The following SBK1 variants were observed in gnomAD, a reference collection of about 807,000 sequenced individuals.
SBK1 encodes SH3 domain binding kinase 1.
Under a neutral mutation model 24.4 loss-of-function variants are expected in SBK1, and 11 were observed. The ratio of observed to expected loss-of-function variants is 0.45; its 90% CI spans 0.28 to 0.75. The LOEUF is 0.75. SBK1 is among the 30% of genes least tolerant of loss of function. The pLI is 0.12. For synonymous variants in SBK1, 308 were observed against 284.4 expected (o/e 1.08, Z -0.83); for missense variants, 467 against 620.5 (o/e 0.75, Z 2.63).
upstream of SBK1, chr16:28,291,608 T>C (rs2141574659): frequency 6.6e-6 from 1 of 152,120 alleles, no homozygotes; most frequent in Admixed American, 6.5e-5. Flanking sequence ...ATTGGGGCTT[T>C]CTCACTAGGG....
At chr16:28,289,458 C>T (rs955861618), upstream of SBK1, among the ~76,000 whole-genome samples, 2 of 152,132 alleles carry the variant, frequency 1.3e-5, no homozygotes, top group East Asian at 1.9e-4. Flanking sequence ...TAGACAAAGG[C>T]GTGGAGGTAT....
At chr16:28,303,281 G>A (rs2044691947) in intron 1 of SBK1, among the ~76,000 whole-genome samples, 1 of 152,098 alleles carries the variant, frequency 6.6e-6, no homozygotes, top group South Asian at 2.1e-4. Flanking sequence ...TGTTGAGAGG[G>A]CTTGGAGGCA....
intron 1 of SBK1, among the ~76,000 whole-genome samples, chr16:28,302,560 TG>T (rs905602808): frequency 1.2e-4 from 18 of 152,128 alleles, no homozygotes; most frequent in African/African-American, 4.1e-4. Flanking sequence ...GGCCCTTCTC[TG>T]GGGGTGCAGG....
intron 2 of SBK1, among the ~76,000 whole-genome samples, chr16:28,318,124 T>A (rs1294050739): frequency 6.6e-6 from 1 of 152,142 alleles, no homozygotes; most frequent in Non-Finnish European, 1.5e-5. Context: ...ACATAGCCAA[T>A]GCCCTGCAGC....
At position 28,317,604 on chromosome 16, in the gene SBK1, C is replaced by A. The variant is rs775290094; in HGVS notation, c.213C>A (p.Val71=). Residue 71 remains valine, a synonymous_variant, in exon 2 of 4, where the codon GTC becomes GTA. Transcript: ENST00000341901. The surrounding 1 kb of genome is among the most constrained non-coding windows in gnomAD (Gnocchi z 4.2). ...CCTATGGGAAGGTTGACCTGGTGGT[C>A]TACAAGGGCACAGGTGAACAAGTGC... ...KGTYGKVDLV[V]YKGTGTKMAL... The A allele has an allele frequency of 6.8e-6, 11 of 1,609,402 alleles. No individual in the cohort carries two copies. The highest frequency in any genetic ancestry group is 2.2e-5 in the East Asian group (1 of 44,780).
At chr16:28,273,747 C>T (rs1405084565) in intron 1 of SBK1, among the ~76,000 whole-genome samples, 2 of 152,184 alleles carry the variant, frequency 1.3e-5, no homozygotes, top group African/African-American at 4.8e-5. Flanking sequence ...CTTGTCTATT[C>T]TTGTTTTTGC....
intron 1 of SBK1, among the ~76,000 whole-genome samples, chr16:28,306,842 T>C (rs2044719707): frequency 6.6e-6 from 1 of 152,232 alleles, no homozygotes; most frequent in Admixed American, 6.5e-5. Context: ...TACTTGGCTT[T>C]CCTGAATGTG....
rs1282123825 is a variant in SBK1 at position 28,274,047 on chromosome 16, G to C, written c.257+14545G>C. On this transcript the variant is annotated intron_variant, in intron 1 of 3. Transcript: ENST00000671413. ...ATAAAAAGATCAGTGGTTGCCAGGG[G>C]GCTGGCGGGAGAGAGGGAGGGATGA... Among the ~76,000 whole-genome samples the C allele has an allele frequency of 2.0e-5, 3 of 152,172 alleles. No homozygotes were observed. The East Asian group carries it at 5.8e-4, about 29-fold the overall frequency.
intron 1 of SBK1, among the ~76,000 whole-genome samples, chr16:28,282,845 G>A (rs769948669): frequency 1.4e-4 from 21 of 152,272 alleles, no homozygotes; most frequent in Non-Finnish European, 2.2e-4. Context: ...CATACCCTGG[G>A]GTGCTGAGGA....
At position 28,321,069 on chromosome 16, in the gene SBK1, C is replaced by G; in HGVS notation, c.*148C>G. 1.3e-6 allele frequency: 1 copy of G among 741,408 alleles called. No individual in the cohort carries two copies. The highest frequency in any genetic ancestry group is 1.9e-6 in the Non-Finnish European group (1 of 530,272). The allele number at this position is 741,408 out of a possible 1,614,324, so 45.9% of individuals were successfully genotyped here. A position where few individuals can be genotyped will look rare whatever the true frequency, so the allele number is the denominator to read the frequency against. ...GGACGCGGCCCGGCACCTGGTCCGT[C>G]CCCGGCGGGCTGGTGAGGGGGCCAC... On this transcript the variant is annotated 3_prime_UTR_variant, in exon 4 of 4. Coordinates refer to ENST00000341901, the MANE Select transcript of SBK1 (RefSeq NM_001024401.3).
At chr16:28,302,523 G>A (rs1256839375) in intron 1 of SBK1, among the ~76,000 whole-genome samples, 1 of 152,200 alleles carries the variant, frequency 6.6e-6, no homozygotes, top group Non-Finnish European at 1.5e-5. Flanking sequence ...CCTGCTGTGG[G>A]AATTCAGGGG....
rs77126406 is a variant in SBK1, at chr16:28,274,530, T to C, written c.257+15028T>C. On this transcript the variant is annotated intron_variant, in intron 1 of 3. Transcript: ENST00000671413. ...AGCCAGGCATGGTGGTGGGTGCCTG[T>C]AATCCCAGCTATTCGGGAGGCTGAG... 3.4e-4 allele frequency among the ~76,000 whole-genome samples: 52 copies of C among 152,146 alleles called. No homozygotes were observed. The East Asian group carries it at 8.9e-3, about 26-fold the overall frequency.
intron 1 of SBK1, among the ~76,000 whole-genome samples, chr16:28,301,689 C>CA (rs2044679890): frequency 1.3e-5 from 2 of 152,222 alleles, no homozygotes; most frequent in Admixed American, 1.3e-4. Context: ...AACCAAGGCA[C>CA]AGTGAGAGGA....
rs1375425316 is a variant in SBK1 at position 28,322,940 on chromosome 16, CT to C, written c.*2020del. 1.9e-5 allele frequency: 1 copy of C among 51,832 alleles called. No homozygotes were observed. Among genetic ancestry groups the C allele is most frequent in the Non-Finnish European group, 4.2e-5 (1 of 24,084 alleles). 3.2% of individuals were successfully genotyped at this position (51,832 alleles called of 1,614,324 possible). ...GCGCGCTCTCTCTCTCCCTCTCTCT[CT>C]CTCTCTCTCTCTCTCTCTCTCTCTC... On this transcript the variant is annotated 3_prime_UTR_variant, in exon 4 of 4. Transcript: ENST00000341901.
chr16:28,317,287 C>T lies in SBK1; in HGVS notation c.-7-98C>T, dbSNP rs767637779. On this transcript the variant is annotated intron_variant, in intron 1 of 3. Transcript: ENST00000341901. This position sits in a 1 kb window ranked among gnomAD's most constrained non-coding sequence, Gnocchi z 4.2. ...TTATCTTGGGCCTGGCATCCGGGCC[C>T]ATCCTCAAGTTTTCTGGGTTCTGGG... The T allele has an allele frequency of 6.1e-5, 53 of 871,586 alleles. No individual in the cohort carries two copies. The South Asian group carries it at 8.1e-4, about 13-fold the overall frequency. The allele number at this position is 871,586 out of a possible 1,614,324, so 54.0% of individuals were successfully genotyped here. A position where few individuals can be genotyped will look rare whatever the true frequency, so the allele number is the denominator to read the frequency against.
intron 1 of SBK1, among the ~76,000 whole-genome samples, chr16:28,287,357 G>A (rs2141571898): frequency 6.7e-6 from 1 of 149,998 alleles, no homozygotes. Context: ...GCTGAGGCAA[G>A]AGAACTGCTC....
chr16:28,274,416 G>A (rs2044484273), intron 1 of SBK1, among the ~76,000 whole-genome samples: 1 of 152,152 alleles, frequency 6.6e-6, no homozygotes, highest in Non-Finnish European at 1.5e-5. Flanking sequence ...TTGGGATGCC[G>A]AGGAAGGCAG....
chr16:28,269,221 G>A (rs1268020114), intron 1 of SBK1, among the ~76,000 whole-genome samples: 1 of 151,710 alleles, frequency 6.6e-6, no homozygotes, highest in African/African-American at 2.4e-5. Flanking sequence ...TTTTAGTAGA[G>A]GTGGGGTTTC....
intron 1 of SBK1, among the ~76,000 whole-genome samples, chr16:28,306,290 T>A (rs539265269): frequency 6.6e-6 from 1 of 152,292 alleles, no homozygotes; most frequent in Admixed American, 6.5e-5. Flanking sequence ...AATAAAGATA[T>A]AAGCAGAGAG....
Sources: allele counts gnomAD v4.1 joint callset (sites outside exome capture counted in the v4.1 genomes callset), GRCh38; gene constraint gnomAD v4.1.1; non-coding constraint Gnocchi (gnomAD v3.1); transcripts MANE v1.5; gene names NCBI Gene and HGNC (gene_info 2026-07-23, HGNC 2026-07-21).